CTNNA3: variants seen among roughly 807,000 people sequenced by gnomAD.
The protein encoded by CTNNA3 is catenin alpha 3.
CTNNA3 carries 76 observed loss-of-function variants against 95.7 expected under a neutral mutation model. That is an observed-to-expected ratio of 0.79 (90% CI 0.66 to 0.96). The LOEUF is 0.96. Ranked by LOEUF, CTNNA3 falls within the 40% of genes least tolerant of loss-of-function variation. CTNNA3 has a pLI of 0.00. For synonymous variants in CTNNA3, 431 were observed against 374.4 expected, an observed-to-expected ratio of 1.15 and a Z score of -1.74; for missense variants, 1,191 against 1,089.8, an observed-to-expected ratio of 1.09 and a Z score of -1.31.
intron 10 of CTNNA3, among the ~76,000 whole-genome samples, chr10:66,595,407 G>A (rs533868750): frequency 1.1e-3 from 170 of 151,910 alleles, no homozygotes; most frequent in South Asian, 6.2e-3. Flanking sequence ...GCAGTGGCGC[G>A]TTCTTGGCTC....
intron 7 of CTNNA3, among the ~76,000 whole-genome samples, chr10:66,813,596 G>T (rs1841965600): frequency 6.6e-6 from 1 of 151,992 alleles, no homozygotes; most frequent in African/African-American, 2.4e-5. Context: ...GGAAATTACT[G>T]GTCATTCGTT....
chr10:66,043,430 G>A (rs2079750863), intron 15 of CTNNA3, among the ~76,000 whole-genome samples: 1 of 152,056 alleles, frequency 6.6e-6, no homozygotes, highest in Admixed American at 6.5e-5. Flanking sequence ...ATACTTTGTA[G>A]CTATATTAAA....
chr10:67,329,574 T>C (rs534989430), intron 5 of CTNNA3, among the ~76,000 whole-genome samples: 2 of 152,320 alleles, frequency 1.3e-5, no homozygotes. Flanking sequence ...TACAGCATGA[T>C]TTTGAATGTA....
Position 67,120,929 on chromosome 10 carries a change from T to C in CTNNA3, c.1047+59388A>G, listed in dbSNP as rs569271178. On this transcript the variant is annotated intron_variant, in intron 7 of 17. Transcript: ENST00000433211. ...ATAAATAAAGCATGCCCATTGCTGG[T>C]AGTTATCCCTTCCCAGGTTTCAAAT... Among the ~76,000 whole-genome samples the C allele has an allele frequency of 3.8e-4, 58 of 152,178 alleles. 1 individual carries two copies. Among genetic ancestry groups the C allele is most frequent in the African/African-American group, 1.4e-3 (57 of 41,558 alleles).
At chr10:66,710,196 T>C (rs1392324461) in intron 9 of CTNNA3, among the ~76,000 whole-genome samples, 1 of 152,136 alleles carries the variant, frequency 6.6e-6, no homozygotes, top group Non-Finnish European at 1.5e-5. Context: ...TGGAAGATGG[T>C]GTCTTCACAC....
At chr10:66,356,412 A>AT (rs953419438) in intron 12 of CTNNA3, among the ~76,000 whole-genome samples, 24 of 150,370 alleles carry the variant, frequency 1.6e-4, no homozygotes, top group African/African-American at 4.6e-4. Flanking sequence ...TGCAGCAATT[A>AT]TTTTTTTTTA....
At chr10:67,424,157 G>A (rs991225991) in intron 5 of CTNNA3, among the ~76,000 whole-genome samples, 17 of 152,090 alleles carry the variant, frequency 1.1e-4, no homozygotes, top group African/African-American at 3.4e-4. Context: ...GACTGATGAG[G>A]ATGTTTAAAT....
chr10:67,547,209 T>A (rs1450623789), intron 3 of CTNNA3, among the ~76,000 whole-genome samples: 1 of 151,298 alleles, frequency 6.6e-6, no homozygotes, highest in Non-Finnish European at 1.5e-5. Context: ...CCATAGCACC[T>A]CCCCCCCAAA....
intron 6 of CTNNA3, 152 bp from the exon 7 acceptor site, chr10:67,180,672 G>C: frequency 1.3e-5 from 8 of 627,516 alleles, no homozygotes; most frequent in East Asian, 2.7e-5. Context: ...ATAATGCTAT[G>C]TAGTGATTAT....
intron 10 of CTNNA3, among the ~76,000 whole-genome samples, chr10:66,535,480 A>G (rs1050234786): frequency 1.3e-5 from 2 of 152,192 alleles, no homozygotes; most frequent in Non-Finnish European, 2.9e-5. Flanking sequence ...ACACAAAGCT[A>G]TGAATAAGAA....
chr10:66,640,458 A>C (rs960857567), intron 9 of CTNNA3, among the ~76,000 whole-genome samples: 3 of 152,142 alleles, frequency 2.0e-5, no homozygotes, highest in African/African-American at 7.2e-5. Context: ...AGAGTCCCTA[A>C]GAGTTCAGGT....
At chr10:66,177,871 T>C (rs941218202) in intron 13 of CTNNA3, among the ~76,000 whole-genome samples, 4 of 152,002 alleles carry the variant, frequency 2.6e-5, no homozygotes, top group African/African-American at 9.7e-5. Flanking sequence ...TTTTTGATTA[T>C]TACTTTTTTA....
At chr10:66,092,098 G>T (rs2081234396) in intron 14 of CTNNA3, among the ~76,000 whole-genome samples, 1 of 151,858 alleles carries the variant, frequency 6.6e-6, no homozygotes, top group South Asian at 2.1e-4. Flanking sequence ...ACCTTGAGTT[G>T]TCCCTGACTC....
intron 5 of CTNNA3, among the ~76,000 whole-genome samples, chr10:67,234,903 C>G (rs945685086): frequency 7.5e-5 from 11 of 146,738 alleles, no homozygotes; most frequent in African/African-American, 2.6e-4. Flanking sequence ...TGAGTGAACT[C>G]CCATTCACAA....
At chr10:67,107,720 TTAGGTG>T (rs879478092) in intron 7 of CTNNA3, among the ~76,000 whole-genome samples, 2,613 of 152,216 alleles carry the variant, frequency 0.017, 77 homozygotes, top group East Asian at 0.12. Flanking sequence ...TCAAAATCAT[TTAGGTG>T]ATAGTGAGAC....
intron 9 of CTNNA3, among the ~76,000 whole-genome samples, chr10:66,757,853 G>C (rs1165576276): frequency 6.6e-6 from 1 of 152,048 alleles, no homozygotes; most frequent in South Asian, 2.1e-4. Flanking sequence ...TTAGCTGTGT[G>C]ATCTTAAGTG....
intron 13 of CTNNA3, among the ~76,000 whole-genome samples, chr10:66,183,652 T>G (rs894708161): frequency 6.6e-6 from 1 of 152,230 alleles, no homozygotes; most frequent in African/African-American, 2.4e-5. Context: ...ATTTCTTGAT[T>G]TACAAATGCA....
chr10:67,579,806 G>T (rs945641280), intron 3 of CTNNA3, among the ~76,000 whole-genome samples: 3 of 152,214 alleles, frequency 2.0e-5, no homozygotes, highest in African/African-American at 7.2e-5. Context: ...GATGGCCAGT[G>T]ATGATGAGCA....
chr10:66,110,360 T>TA (rs35402161), intron 13 of CTNNA3, among the ~76,000 whole-genome samples: 13,546 of 104,678 alleles, frequency 0.13, 955 homozygotes, highest in African/African-American at 0.21. Context: ...AGACTCTGTC[T>TA]AAAAAAAAAA....
Sources: gnomAD v4.1 joint callset for allele counts (sites outside exome capture counted in the v4.1 genomes callset) on GRCh38, gnomAD v4.1.1 for gene constraint, MANE v1.5 for transcripts, NCBI Gene and HGNC (gene_info 2026-07-23, HGNC 2026-07-21) for gene names.